DYM: variants seen among roughly 807,000 people sequenced by gnomAD.
The protein encoded by DYM is dymeclin.
A neutral mutation model predicts 93.1 loss-of-function variants in DYM; 78 were observed. That is an observed-to-expected ratio of 0.84 (90% CI 0.70 to 1.01). The LOEUF (loss-of-function observed/expected upper bound fraction) is 1.01. Among genes scored for constraint, DYM ranks in the 50% least tolerant of loss-of-function variants. DYM has a pLI of 0.00. For missense variants in DYM, 789 were observed against 845.0 expected, an observed-to-expected ratio of 0.93 and a Z score of 0.82; for synonymous variants, 321 against 319.7, an observed-to-expected ratio of 1.00 and a Z score of -0.04.
chr18:49,330,020 A>G (rs1373491417), intron 8 of DYM, among the ~76,000 whole-genome samples: 2 of 152,222 alleles, frequency 1.3e-5, no homozygotes, highest in Non-Finnish European at 1.5e-5. Context: ...ACTTAAAATT[A>G]CATGACTGTG....
chr18:49,385,608 T>C (rs188717800), intron 3 of DYM, among the ~76,000 whole-genome samples: 297 of 152,032 alleles, frequency 2.0e-3, no homozygotes, highest in African/African-American at 6.9e-3. Context: ...GACAGGAGAA[T>C]TGCTTGAACC....
At chr18:49,414,927 A>G (rs2072744737) in intron 2 of DYM, among the ~76,000 whole-genome samples, 1 of 152,224 alleles carries the variant, frequency 6.6e-6, no homozygotes, top group South Asian at 2.1e-4. Context: ...CCTTAAAAAC[A>G]GTCCCTAGCA....
intron 10 of DYM, among the ~76,000 whole-genome samples, chr18:49,275,875 T>C (rs1342398497): frequency 1.3e-5 from 2 of 152,212 alleles, no homozygotes; most frequent in East Asian, 1.9e-4. Flanking sequence ...ATTTCTCATA[T>C]ATAAAAATAC....
At chr18:49,429,346 G>A (rs771647919) in intron 2 of DYM, among the ~76,000 whole-genome samples, 1 of 152,276 alleles carries the variant, frequency 6.6e-6, no homozygotes, top group East Asian at 1.9e-4. Context: ...TGCAGACAAG[G>A]ACATGGACAT....
chr18:49,321,802 A>C (rs2062501263), intron 8 of DYM, among the ~76,000 whole-genome samples: 1 of 152,128 alleles, frequency 6.6e-6, no homozygotes, highest in African/African-American at 2.4e-5. Context: ...AATCTCTCAA[A>C]TTATTCCAAA....
chr18:49,218,897 A>G (rs1181361384), intron 13 of DYM, among the ~76,000 whole-genome samples: 1 of 152,070 alleles, frequency 6.6e-6, no homozygotes, highest in Non-Finnish European at 1.5e-5. Context: ...GCAAGAAATA[A>G]CTAAAATCAG....
At chr18:49,421,533 A>G (rs1318180727) in intron 2 of DYM, among the ~76,000 whole-genome samples, 3 of 152,212 alleles carry the variant, frequency 2.0e-5, no homozygotes, top group East Asian at 1.9e-4. Flanking sequence ...AGATAAAACC[A>G]CAAAGATGGG....
chr18:49,098,921 T>C (rs963609579), intron 16 of DYM, among the ~76,000 whole-genome samples: 21 of 152,172 alleles, frequency 1.4e-4, no homozygotes, highest in African/African-American at 4.8e-4. Flanking sequence ...ATACACAAAA[T>C]AAATGCTTTC....
At chr18:49,362,712 A>G (rs2066140807) in intron 6 of DYM, among the ~76,000 whole-genome samples, 1 of 152,156 alleles carries the variant, frequency 6.6e-6, no homozygotes, top group African/African-American at 2.4e-5. Context: ...ACCTTCCCCT[A>G]CATCTCACTG....
intron 13 of DYM, among the ~76,000 whole-genome samples, chr18:49,215,078 A>G (rs539589253): frequency 6.6e-6 from 1 of 152,352 alleles, no homozygotes; most frequent in South Asian, 2.1e-4. Context: ...AAATTCTAAC[A>G]ATTAGAAAAC....
chr18:49,321,956 T>C (rs1234892178), intron 8 of DYM, among the ~76,000 whole-genome samples: 1 of 152,088 alleles, frequency 6.6e-6, no homozygotes, highest in African/African-American at 2.4e-5. Context: ...GTAGTTTTTC[T>C]CTCTCAATGA....
At chr18:49,073,250 A>G (rs1248122518) in intron 17 of DYM, among the ~76,000 whole-genome samples, 1 of 152,228 alleles carries the variant, frequency 6.6e-6, no homozygotes, top group Non-Finnish European at 1.5e-5. Flanking sequence ...CTAAAAGGCA[A>G]TTCTCATAAC....
intron 13 of DYM, among the ~76,000 whole-genome samples, chr18:49,211,583 A>G (rs1273468032): frequency 6.6e-6 from 1 of 152,200 alleles, no homozygotes; most frequent in African/African-American, 2.4e-5. Context: ...ATTTCCACAA[A>G]CGAACAATCC....
At chr18:49,116,344 G>T (rs940371264) in intron 16 of DYM, 5 of 152,136 alleles carry the variant, frequency 3.3e-5, no homozygotes, top group African/African-American at 1.2e-4. Context: ...TGTAAAAGGG[G>T]AAAGAGTTTT....
chr18:49,182,924 CTG>C (rs2090066676), intron 14 of DYM, among the ~76,000 whole-genome samples: 1 of 152,184 alleles, frequency 6.6e-6, no homozygotes. Flanking sequence ...AATCCAGTCT[CTG>C]TTACTCTATC....
intron 16 of DYM, among the ~76,000 whole-genome samples, chr18:49,106,507 T>C (rs2080827926): frequency 6.6e-6 from 1 of 152,232 alleles, no homozygotes; most frequent in Non-Finnish European, 1.5e-5. Context: ...GCCTCAATGG[T>C]CTTTACAATT....
intron 15 of DYM, among the ~76,000 whole-genome samples, chr18:49,149,772 T>C (rs1207023283): frequency 7.9e-6 from 1 of 126,292 alleles, no homozygotes; most frequent in Non-Finnish European, 1.6e-5. Flanking sequence ...AGTGGCACAA[T>C]CTCGGCTCAC....
intron 8 of DYM, among the ~76,000 whole-genome samples, chr18:49,289,725 GTGTATATATATATATA>G (rs1568180379): frequency 6.6e-3 from 91 of 13,740 alleles, no homozygotes; most frequent in African/African-American, 0.014. Flanking sequence ...ATATATATAT[GTGTATATATATATATA>G]TATATATATA....
At chr18:49,362,457 T>C (rs1450847575) in intron 6 of DYM, among the ~76,000 whole-genome samples, 1 of 152,174 alleles carries the variant, frequency 6.6e-6, no homozygotes, top group East Asian at 1.9e-4. Flanking sequence ...TTCTGTCACA[T>C]GAGAAGTCCA....
Sources: allele counts gnomAD v4.1 joint callset (sites outside exome capture counted in the v4.1 genomes callset), GRCh38; gene constraint gnomAD v4.1.1; transcripts MANE v1.5; gene names NCBI Gene and HGNC (gene_info 2026-07-23, HGNC 2026-07-21).